Variants in SCAPER observed in about 807,000 individuals in gnomAD.
The protein encoded by SCAPER is S phase cyclin A-associated protein in the endoplasmic reticulum.
A neutral mutation model predicts 182.2 loss-of-function variants in SCAPER; 98 were observed. The ratio of observed to expected loss-of-function variants is 0.54; its 90% CI spans 0.46 to 0.64. The LOEUF (loss-of-function observed/expected upper bound fraction) is 0.64, where lower values mean the gene tolerates loss of function less well. Among genes scored for constraint, SCAPER ranks in the 30% least tolerant of loss-of-function variants. SCAPER has a pLI of 0.00. For missense variants in SCAPER, 1,432 were observed against 1,690.0 expected (o/e 0.85, Z 2.68); for synonymous variants, 605 against 564.6 (o/e 1.07, Z -1.01).
At position 76,568,454 on chromosome 15, in the gene SCAPER, C is replaced by T. The variant is rs139341588; in HGVS notation, c.2838+5704G>A. 4.0e-3 allele frequency among the ~76,000 whole-genome samples: 608 copies of T among 152,088 alleles called. 3 individuals carry two copies. Among genetic ancestry groups the T allele is most frequent in the Admixed American group, 7.0e-3 (107 of 15,278 alleles). On this transcript the variant is annotated intron_variant, in intron 23 of 31. Coordinates refer to ENST00000563290, the MANE Select transcript of SCAPER (RefSeq NM_020843.4). Reference sequence around the variant, plus strand: ...CACTGCAACTTCTGACTCCTGAGTTCGAGTGATTCTCCTGTCTCAGACTCC... The same window carrying T: ...CACTGCAACTTCTGACTCCTGAGTTTGAGTGATTCTCCTGTCTCAGACTCC...
rs966550428 is a variant in SCAPER at position 76,670,267 on chromosome 15, T to C, written c.2509-4478A>G. ...TCTTCCAGACATTGTTCTTTGCACA[T>C]ATAGTTTTTTAAAAATAGGTTCTCC... On this transcript the variant is annotated intron_variant, in intron 20 of 31. Transcript: ENST00000563290. 1.7e-4 allele frequency among the ~76,000 whole-genome samples: 26 copies of C among 152,092 alleles called. 1 individual carries two copies. Among genetic ancestry groups the C allele is most frequent in the Admixed American group, 1.7e-3 (26 of 15,296 alleles).
intron 22 of SCAPER, among the ~76,000 whole-genome samples, chr15:76,600,453 ATTTT>A (rs57171362): frequency 0.013 from 906 of 70,406 alleles, 84 homozygotes; most frequent in African/African-American, 0.035. Flanking sequence ...ATATATATAT[ATTTT>A]TTTTTTTTTG....
chr15:76,471,403 T>C, intron 24 of SCAPER, 68 bp from the exon 25 acceptor site: 2 of 1,487,500 alleles, frequency 1.3e-6, no homozygotes, highest in Non-Finnish European at 1.8e-6. Flanking sequence ...TAAAAATACA[T>C]AAAATGAATG....
chr15:76,353,449 C>T (rs1394721818), intron 30 of SCAPER, among the ~76,000 whole-genome samples: 1 of 152,076 alleles, frequency 6.6e-6, no homozygotes, highest in Admixed American at 6.5e-5. Flanking sequence ...TCTAGCCCTA[C>T]AGAATTTAAA....
At chr15:76,842,596 C>T (rs961842827) in intron 4 of SCAPER, among the ~76,000 whole-genome samples, 1 of 152,148 alleles carries the variant, frequency 6.6e-6, no homozygotes, top group Non-Finnish European at 1.5e-5. Flanking sequence ...CAGTCTCAGG[C>T]AGTTCATTAC....
At chr15:76,669,732 G>T (rs373402390) in intron 20 of SCAPER, among the ~76,000 whole-genome samples, 3 of 152,182 alleles carry the variant, frequency 2.0e-5, no homozygotes, top group South Asian at 4.1e-4. Context: ...ACGACTGGCT[G>T]ACTTTACAAG....
intron 26 of SCAPER, among the ~76,000 whole-genome samples, chr15:76,430,118 C>T (rs973082441): frequency 1.3e-5 from 2 of 152,144 alleles, no homozygotes; most frequent in Non-Finnish European, 1.5e-5. Flanking sequence ...GCAGGTGCAC[C>T]GAAGTCAAGA....
intron 23 of SCAPER, among the ~76,000 whole-genome samples, chr15:76,562,729 A>T (rs147220819): frequency 6.6e-6 from 1 of 152,210 alleles, no homozygotes; most frequent in Non-Finnish European, 1.5e-5. Context: ...AGAAAAGATA[A>T]AGAGAGACAT....
Position 76,440,907 on chromosome 15 carries a change from GTTTTTTTTTTGTTTTT to G in SCAPER, c.3079-6613_3079-6598del, listed in dbSNP as rs1181212060. Among the ~76,000 whole-genome samples, 8 of 82,854 alleles carry G rather than the reference GTTTTTTTTTTGTTTTT, an allele frequency of 9.7e-5. No individual in the cohort carries two copies. The East Asian group carries it at 1.3e-3, about 13-fold the overall frequency. 54.4% of individuals were successfully genotyped at this position (82,854 alleles called of 152,430 possible). ...ATCTTTTAAAATTATTCCCCTTCTG[GTTTTTTTTTTGTTTTT>G]TTTTTTTTTTTTTTTGGGGACGGAG... On this transcript the variant is annotated intron_variant, in intron 25 of 31. Transcript: ENST00000563290.
At position 76,561,046 on chromosome 15, in the gene SCAPER, G is replaced by A. The variant is rs116889003; in HGVS notation, c.2838+13112C>T. 7.1e-3 allele frequency among the ~76,000 whole-genome samples: 1,073 copies of A among 151,982 alleles called. 30 individuals carry two copies. Among genetic ancestry groups the A allele is most frequent in the Admixed American group, 0.044 (665 of 15,254 alleles). The stretch of plus-strand genomic sequence containing the variant: ...ATTTTTTTTTAGTGTCATTATTTCC[G>A]AGAACCCAGACTTACATAAATGTGG... On this transcript the variant is annotated intron_variant, in intron 23 of 31. Coordinates refer to ENST00000563290, the MANE Select transcript of SCAPER (RefSeq NM_020843.4).
At chr15:76,904,060 T>C (rs567649232) in intron 1 of SCAPER, among the ~76,000 whole-genome samples, 336 of 152,322 alleles carry the variant, frequency 2.2e-3, no homozygotes, top group African/African-American at 7.7e-3. Flanking sequence ...ATTCTTCAAG[T>C]GGCATAAATC....
At chr15:76,551,380 A>AG (rs923708320) in intron 23 of SCAPER, among the ~76,000 whole-genome samples, 1 of 152,158 alleles carries the variant, frequency 6.6e-6, no homozygotes, top group Admixed American at 6.5e-5. Flanking sequence ...TTCAGCCACA[A>AG]AAAAGAATGA....
At chr15:76,867,961 T>C (rs558776530) in intron 2 of SCAPER, among the ~76,000 whole-genome samples, 35 of 152,036 alleles carry the variant, frequency 2.3e-4, no homozygotes, top group Non-Finnish European at 4.3e-4. Flanking sequence ...TCAGCTATGT[T>C]CTCTCCCTCA....
intron 8 of SCAPER, among the ~76,000 whole-genome samples, chr15:76,781,683 T>C (rs1301333642): frequency 6.6e-6 from 1 of 152,282 alleles, no homozygotes; most frequent in Non-Finnish European, 1.5e-5. Flanking sequence ...AGACTAACAG[T>C]GGATCTCTCG....
chr15:76,442,478 C>T (rs2047683056), intron 25 of SCAPER, among the ~76,000 whole-genome samples: 1 of 152,132 alleles, frequency 6.6e-6, no homozygotes, highest in Non-Finnish European at 1.5e-5. Flanking sequence ...TCCTGGGAGG[C>T]CTGAGTCTCT....
At chr15:76,653,161 G>A (rs2055318963) in intron 21 of SCAPER, among the ~76,000 whole-genome samples, 1 of 151,964 alleles carries the variant, frequency 6.6e-6, no homozygotes, top group African/African-American at 2.4e-5. Context: ...GCTGACCAAG[G>A]AGGAGAAAGA....
chr15:76,448,676 A>G (rs1032791075), intron 25 of SCAPER, among the ~76,000 whole-genome samples: 1 of 152,202 alleles, frequency 6.6e-6, no homozygotes, highest in African/African-American at 2.4e-5. Flanking sequence ...CAACATTTGC[A>G]AAATGGCCTA....
chr15:76,668,437 C>A (rs1021561379), intron 20 of SCAPER, among the ~76,000 whole-genome samples: 1 of 152,196 alleles, frequency 6.6e-6, no homozygotes, highest in Non-Finnish European at 1.5e-5. Context: ...TCATTGATCT[C>A]TCTGATCTCA....
At chr15:76,766,096 TA>T (rs1707607915) in intron 11 of SCAPER, among the ~76,000 whole-genome samples, 1 of 151,678 alleles carries the variant, frequency 6.6e-6, no homozygotes, top group African/African-American at 2.4e-5. Flanking sequence ...TTTATTTATT[TA>T]TTTATTTATT....
Sources: allele counts gnomAD v4.1 joint callset (sites outside exome capture counted in the v4.1 genomes callset), GRCh38; gene constraint gnomAD v4.1.1; transcripts MANE v1.5; gene names NCBI Gene and HGNC (gene_info 2026-07-23, HGNC 2026-07-21).